TCAIM: variants seen among roughly 807,000 people sequenced by gnomAD.
The protein encoded by TCAIM is T-cell activation inhibitor, mitochondrial.
A neutral mutation model predicts 58.6 loss-of-function variants in TCAIM; 36 were observed. The observed-to-expected ratio is 0.61, with a 90% CI of 0.47 to 0.81. The LOEUF is 0.81. Ranked by LOEUF, TCAIM falls within the 30% of genes least tolerant of loss-of-function variation. TCAIM has a pLI of 0.00. For missense variants in TCAIM, 466 were observed against 579.6 expected (o/e 0.80, Z 2.01); for synonymous variants, 172 against 193.6 (o/e 0.89, Z 0.93).
rs10583839 is a variant in TCAIM, at chr3:44,394,891, C to CAA, written c.696-1479_696-1478dup. Among the ~76,000 whole-genome samples, 3 of 16,880 alleles carry CAA rather than the reference C, an allele frequency of 1.8e-4. 1 individual carries two copies. The highest frequency in any genetic ancestry group is 6.2e-4 in the African/African-American group (2 of 3,228). 11.1% of individuals were successfully genotyped at this position (16,880 alleles called of 152,430 possible). A position where few individuals can be genotyped will look rare whatever the true frequency, so the allele number is the denominator to read the frequency against. On this transcript the variant is annotated intron_variant, in intron 6 of 10. Coordinates refer to ENST00000342649, the MANE Select transcript of TCAIM (RefSeq NM_173826.4). ...CCTGGGCAACAGAGCGAGACTGTCTCAAAAAAAAAAAAAAAAAAAAAAAAA... is the reference window on the plus strand; with the variant it reads ...CCTGGGCAACAGAGCGAGACTGTCTCAAAAAAAAAAAAAAAAAAAAAAAAAAA...
chr3:44,340,264 T>TA (rs1195230288), intron 1 of TCAIM: 3 of 152,206 alleles, frequency 2.0e-5, no homozygotes, highest in Non-Finnish European at 4.4e-5. Context: ...TCTTAGCAGT[T>TA]ATAATCTCAA....
rs556046978 is a variant in TCAIM, at chr3:44,388,567, T to C, written c.573-4288T>C. Among the ~76,000 whole-genome samples the C allele has an allele frequency of 9.8e-4, 149 of 152,348 alleles. 1 individual carries two copies. Among genetic ancestry groups the C allele is most frequent in the Non-Finnish European group, 1.5e-3 (103 of 68,040 alleles). The stretch of plus-strand genomic sequence containing the variant: ...GATACTAATTTCTTCCAGGAAGTTA[T>C]GATTTTTTTTCCTTTAATTAGCTTC... On this transcript the variant is annotated intron_variant, in intron 5 of 10. Coordinates refer to ENST00000342649, the MANE Select transcript of TCAIM (RefSeq NM_173826.4).
chr3:44,357,785 G>A lies in TCAIM; in HGVS notation c.74G>A (p.Arg25Lys). 6.2e-7 allele frequency: 1 copy of A among 1,614,122 alleles called. No homozygotes were observed. The highest frequency in any genetic ancestry group is 8.5e-7 in the Non-Finnish European group (1 of 1,180,006). The change falls in exon 3 of 11, where the codon AGA becomes AAA. Residue 25 changes from arginine to lysine, a missense_variant. By Grantham distance (26) the Arg-to-Lys change is conservative. Coordinates refer to ENST00000342649, the MANE Select transcript of TCAIM (RefSeq NM_173826.4). ...KIFPHWFPFS[R>K]ALSGAEAVNA... ...TTTCCACACTGGTTTCCCTTTTCAA[G>A]AGCTTTATCGGGAGCTGAAGCAGTC...
rs370220780 is a variant in TCAIM, at chr3:44,354,821, A to G, written c.29+10A>G. On this transcript the variant is annotated intron_variant, in intron 2 of 10. Coordinates refer to ENST00000342649, the MANE Select transcript of TCAIM (RefSeq NM_173826.4). ...TGAGACCTATGAGGAGGTAAGCATCATGGTCCAATCTGTAATTAGTATTGT... is the reference window on the plus strand; with the variant it reads ...TGAGACCTATGAGGAGGTAAGCATCGTGGTCCAATCTGTAATTAGTATTGT... The G allele has an allele frequency of 4.2e-5, 67 of 1,610,466 alleles. No homozygotes were observed. The highest frequency in any genetic ancestry group is 5.6e-5 in the Non-Finnish European group (66 of 1,179,214).
At chr3:44,394,921 AATATATATATATATATAT>A (rs869077768) in intron 6 of TCAIM, among the ~76,000 whole-genome samples, 560 of 48,456 alleles carry the variant, frequency 0.012, 13 homozygotes, top group African/African-American at 0.033. Flanking sequence ...AAAAAAAAAA[AATATATATATATATATAT>A]ATATATATAT....
intron 5 of TCAIM, among the ~76,000 whole-genome samples, chr3:44,370,998 G>T (rs113671626): frequency 0.017 from 2,516 of 149,006 alleles, 74 homozygotes; most frequent in African/African-American, 0.058. Context: ...TGCAACCTCT[G>T]CCTCCCGGAT....
chr3:44,374,281 GCTTT>G (rs147306845), intron 5 of TCAIM, among the ~76,000 whole-genome samples: 20,824 of 142,252 alleles, frequency 0.15, 1,201 homozygotes, highest in Admixed American at 0.18. Flanking sequence ...GTTTTGCTTT[GCTTT>G]CTTTTTTTTT....
intron 1 of TCAIM, among the ~76,000 whole-genome samples, chr3:44,349,477 A>C (rs1022348720): frequency 6.6e-6 from 1 of 152,120 alleles, no homozygotes; most frequent in African/African-American, 2.4e-5. Context: ...TGGAGGGTAG[A>C]AGGTTGCCCA....
chr3:44,382,497 A>C (rs1701669912), intron 5 of TCAIM, among the ~76,000 whole-genome samples: 1 of 152,262 alleles, frequency 6.6e-6, no homozygotes, highest in Non-Finnish European at 1.5e-5. Flanking sequence ...AGACCACTGA[A>C]TGGGGAAAAG....
At chr3:44,374,114 A>G (rs892196977) in intron 5 of TCAIM, among the ~76,000 whole-genome samples, 15 of 152,292 alleles carry the variant, frequency 9.8e-5, no homozygotes, top group Non-Finnish European at 2.1e-4. Context: ...GACACCTACA[A>G]CATTGGAACT....
At chr3:44,376,495 A>G (rs1162469093) in intron 5 of TCAIM, among the ~76,000 whole-genome samples, 104 of 152,318 alleles carry the variant, frequency 6.8e-4, no homozygotes, top group Non-Finnish European at 4.4e-5. Context: ...TATAAATTCA[A>G]ATTAGGGTGT....
At chr3:44,340,842 GTTAT>G (rs1348043937) in intron 1 of TCAIM, 1 of 152,038 alleles carries the variant, frequency 6.6e-6, no homozygotes, top group Non-Finnish European at 1.5e-5. Flanking sequence ...TGCCCTAAGA[GTTAT>G]TTCTTTCTCT....
At chr3:44,407,334 GCA>G (rs1189663887) in intron 10 of TCAIM, 106 bp from the exon 11 acceptor site, 2 of 928,466 alleles carry the variant, frequency 2.2e-6, no homozygotes, top group East Asian at 5.7e-5. Context: ...TGTTGTGAGT[GCA>G]CAGTTAGGGC....
chr3:44,362,213 A>G (rs1277854658), intron 4 of TCAIM, among the ~76,000 whole-genome samples: 5 of 151,676 alleles, frequency 3.3e-5, no homozygotes. Context: ...ATACACTGTA[A>G]TTTTTTTTTG....
chr3:44,361,151 A>C (rs1701289456), intron 3 of TCAIM, among the ~76,000 whole-genome samples: 1 of 152,204 alleles, frequency 6.6e-6, no homozygotes, highest in Non-Finnish European at 1.5e-5. Context: ...ATATGGTTAC[A>C]TCTTTTTACA....
At chr3:44,399,811 T>C (rs1259562210) in intron 8 of TCAIM, among the ~76,000 whole-genome samples, 1 of 152,186 alleles carries the variant, frequency 6.6e-6, no homozygotes. Context: ...TAAATTCGGA[T>C]TTTTGTTTCC....
chr3:44,396,589 T>C, intron 7 of TCAIM, 92 bp downstream of exon 7: 2 of 1,451,120 alleles, frequency 1.4e-6, no homozygotes, highest in Non-Finnish European at 1.9e-6. Flanking sequence ...TTATCACAGC[T>C]GAACTTTTAA....
intron 1 of TCAIM, among the ~76,000 whole-genome samples, chr3:44,348,031 A>C (rs1701005343): frequency 6.6e-6 from 1 of 152,206 alleles, no homozygotes; most frequent in Non-Finnish European, 1.5e-5. Context: ...GGAATAACTA[A>C]AAAGTAGTGC....
intron 1 of TCAIM, among the ~76,000 whole-genome samples, chr3:44,347,171 G>T (rs1302642605): frequency 6.6e-6 from 1 of 152,148 alleles, no homozygotes; most frequent in Non-Finnish European, 1.5e-5. Flanking sequence ...TGCCGAGATA[G>T]GTAACAGATG....
Sources: gnomAD v4.1 joint callset for allele counts (sites outside exome capture counted in the v4.1 genomes callset) on GRCh38, gnomAD v4.1.1 for gene constraint, MANE v1.5 for transcripts, NCBI Gene and HGNC (gene_info 2026-07-23, HGNC 2026-07-21) for gene names.